ANGEL1: variants seen among roughly 807,000 people sequenced by gnomAD.
ANGEL1 encodes angel homolog 1, also known as RNA 2',3'-cyclic phosphatase ANGEL1.
A neutral mutation model predicts 76.4 loss-of-function variants in ANGEL1; 62 were observed. The ratio of observed to expected loss-of-function variants is 0.81; its 90% CI spans 0.66 to 1.00. ANGEL1 has a LOEUF of 1.00. Among genes scored for constraint, ANGEL1 ranks in the 50% least tolerant of loss-of-function variants. The probability of loss-of-function intolerance (pLI) is 0.00; values close to 1 mark genes in which losing one functional copy is unlikely to be tolerated. For missense variants in ANGEL1, 737 were observed against 836.7 expected (o/e 0.88, Z 1.47); for synonymous variants, 340 against 331.7 (o/e 1.03, Z -0.27).
intron 7 of ANGEL1, among the ~76,000 whole-genome samples, chr14:76,795,250 T>C (rs1048167528): frequency 3.3e-5 from 5 of 152,218 alleles, no homozygotes; most frequent in African/African-American, 9.6e-5. Flanking sequence ...ATACAGAGGA[T>C]GGCACAAGTT....
Position 76,789,124 on chromosome 14 carries a change from T to G in ANGEL1, c.*104A>C. On this transcript the variant is annotated 3_prime_UTR_variant, in exon 10 of 10. Coordinates refer to ENST00000251089, the MANE Select transcript of ANGEL1 (RefSeq NM_015305.4). ...GAACGAGGAGGGGGAAGGGAGGGGA[T>G]GTAAGTTTCTTGGATCTAAGTTTCT... The G allele has an allele frequency of 5.0e-6, 7 of 1,396,404 alleles. No homozygotes were observed. The highest frequency in any genetic ancestry group is 5.9e-6 in the Non-Finnish European group (6 of 1,018,968). The allele number at this position is 1,396,404 out of a possible 1,614,324, so 86.5% of individuals were successfully genotyped here.
chr14:76,789,160 G>T lies in ANGEL1; in HGVS notation c.*68C>A. On this transcript the variant is annotated 3_prime_UTR_variant, in exon 10 of 10. Transcript: ENST00000251089. Reference sequence around the variant, plus strand: ...TGGATCTAAGTTTCTAGATGCATGGGATTTTTCCACAGTCTCTGATCCAGT... The same window carrying T: ...TGGATCTAAGTTTCTAGATGCATGGTATTTTTCCACAGTCTCTGATCCAGT... 6.4e-7 allele frequency: 1 copy of T among 1,567,984 alleles called. No homozygotes were observed. The highest frequency in any genetic ancestry group is 8.7e-7 in the Non-Finnish European group (1 of 1,155,628).
chr14:76,795,693 T>C (rs1894555698), intron 7 of ANGEL1, among the ~76,000 whole-genome samples: 1 of 152,216 alleles, frequency 6.6e-6, no homozygotes, highest in Admixed American at 6.5e-5. Context: ...CATTAGTCTA[T>C]TTAGACAATC....
chr14:76,811,057 A>G (rs1895068417), intron 1 of ANGEL1, among the ~76,000 whole-genome samples: 1 of 152,232 alleles, frequency 6.6e-6, no homozygotes, highest in African/African-American at 2.4e-5. Context: ...AATGGTTTTA[A>G]CCACGGTGAT....
chr14:76,798,997 T>A (rs942219880), intron 7 of ANGEL1, among the ~76,000 whole-genome samples: 2 of 148,390 alleles, frequency 1.3e-5, no homozygotes, highest in Non-Finnish European at 3.0e-5. Flanking sequence ...AGAATCACAA[T>A]GTATTTTATT....
intron 5 of ANGEL1, 76 bp from the exon 6 acceptor site, chr14:76,803,988 G>C (rs1894842079): frequency 6.2e-7 from 1 of 1,613,344 alleles, no homozygotes; most frequent in Non-Finnish European, 8.5e-7. Context: ...TTTGGGACAT[G>C]TGGACAAATA....
intron 1 of ANGEL1, chr14:76,812,357 C>A (rs531178917): frequency 2.3e-4 from 233 of 1,032,758 alleles, no homozygotes; most frequent in Middle Eastern, 4.5e-4. Flanking sequence ...CCAGAGCCGA[C>A]CCGCCTCGCC....
At chr14:76,812,313 G>A (rs1011829038) in intron 1 of ANGEL1, 10 of 999,996 alleles carry the variant, frequency 1.0e-5, no homozygotes, top group African/African-American at 1.7e-5. Context: ...ACCTGGGGAA[G>A]ATCGGTGCGT....
At position 76,809,547 on chromosome 14, in the gene ANGEL1, T is replaced by C. The variant is rs1166116726; in HGVS notation, c.161A>G (p.Gln54Arg). 3 of 1,614,214 alleles carry C rather than the reference T, an allele frequency of 1.9e-6. No homozygotes were observed. The highest frequency in any genetic ancestry group is 2.5e-6 in the Non-Finnish European group (3 of 1,180,046). The change falls in exon 2 of 10, where the codon CAG (glutamine) becomes CGG (arginine). Residue 54 changes from glutamine to arginine, a missense_variant. This residue lies in a region of ANGEL1 where 441 missense variants were observed against 449.5 expected (regional missense o/e 0.98). Transcript: ENST00000251089. ...DFAMAPRGPE[Q>R]EECEGLLQQW... Reference sequence around the variant, plus strand: ...CTGCAGCAGGCCCTCACATTCCTCCTGCTCAGGGCCCCGAGGGGCCATGGC... The same window carrying C: ...CTGCAGCAGGCCCTCACATTCCTCCCGCTCAGGGCCCCGAGGGGCCATGGC...
chr14:76,791,179 A>G (rs969117812), intron 8 of ANGEL1, 118 bp downstream of exon 8: 5 of 1,124,124 alleles, frequency 4.4e-6, no homozygotes, highest in South Asian at 2.6e-5. Flanking sequence ...ATATTAGGGG[A>G]AAAAGAGCTT....
intron 1 of ANGEL1, chr14:76,812,329 A>G (rs1895112067): frequency 9.9e-7 from 1 of 1,009,434 alleles, no homozygotes; most frequent in Admixed American, 5.9e-5. Context: ...TGCGTCCAGT[A>G]CTTCGGCCAT....
chr14:76,804,514 A>C (rs1462463252), intron 5 of ANGEL1: 1 of 934,730 alleles, frequency 1.1e-6, no homozygotes, highest in Non-Finnish European at 1.3e-6. Flanking sequence ...GCCATTTAAC[A>C]ACAACAAATA....
intron 1 of ANGEL1, 151 bp downstream of exon 1, chr14:76,812,613 C>A: frequency 1.5e-6 from 2 of 1,306,158 alleles, no homozygotes; most frequent in South Asian, 2.1e-5. Context: ...GCCCGCGGGG[C>A]AGGGGCTCAG....
chr14:76,810,863 C>T (rs190007357), intron 1 of ANGEL1, among the ~76,000 whole-genome samples: 179 of 152,356 alleles, frequency 1.2e-3, no homozygotes, highest in African/African-American at 4.2e-3. Context: ...CTCCTACACT[C>T]ACACACTCAA....
intron 7 of ANGEL1, among the ~76,000 whole-genome samples, chr14:76,797,888 A>G (rs1315883382): frequency 6.6e-6 from 1 of 152,228 alleles, no homozygotes; most frequent in Non-Finnish European, 1.5e-5. Flanking sequence ...AATGTCTGCT[A>G]TGGTCTAAAT....
chr14:76,806,822 G>C lies in ANGEL1; in HGVS notation c.974C>G (p.Thr325Ser). The stretch of plus-strand genomic sequence containing the variant: ...AGCACAGCCATCGGTTTTACACCCA[G>C]TCCTCCTCTTGTAGAAACAGGTAAA... ...MGFTCFYKRRTGCKTDGCAVC... is the reference protein window; with the variant it reads ...MGFTCFYKRRSGCKTDGCAVC... Residue 325 changes from threonine (T) to serine (S), a missense_variant, in exon 5 of 10, where the codon ACT becomes AGT. This residue lies in a region of ANGEL1 where 441 missense variants were observed against 449.5 expected (regional missense o/e 0.98). Transcript: ENST00000251089. 2 of 1,613,826 alleles carry C rather than the reference G, an allele frequency of 1.2e-6. No individual in the cohort carries two copies. Among genetic ancestry groups the C allele is most frequent in the Non-Finnish European group, 1.7e-6 (2 of 1,179,884 alleles).
At position 76,809,097 on chromosome 14, in the gene ANGEL1, C is replaced by A; in HGVS notation, c.611G>T (p.Gly204Val). The change falls in exon 2 of 10, where the codon GGG becomes GTG. Residue 204 changes from glycine to valine, a missense_variant. Coordinates refer to ENST00000251089, the MANE Select transcript of ANGEL1 (RefSeq NM_015305.4). ...TTCCACTGCGGGAGGCTGCAACTGC[C>A]CCAGGCCCTCAAAGGGCCAGATGGA... ...EASIWPFEGL[G>V]QLQPPAVEIP... 6.2e-7 allele frequency: 1 copy of A among 1,614,030 alleles called. No homozygotes were observed.
At chr14:76,802,240 A>G (rs1894789293) in intron 7 of ANGEL1, among the ~76,000 whole-genome samples, 1 of 152,206 alleles carries the variant, frequency 6.6e-6, no homozygotes, top group South Asian at 2.1e-4. Context: ...CGTAATTTCT[A>G]TGAGCTCCAT....
chr14:76,791,247 C>T (rs1430249667), intron 8 of ANGEL1, 50 bp downstream of exon 8: 4 of 1,597,208 alleles, frequency 2.5e-6, no homozygotes, highest in Admixed American at 3.3e-5. Context: ...CTCTCTCTTA[C>T]ACCTAGGCAA....
Sources: allele counts gnomAD v4.1 joint callset (sites outside exome capture counted in the v4.1 genomes callset), GRCh38; gene constraint gnomAD v4.1.1; regional missense constraint gnomAD v4.1.1; transcripts MANE v1.5; gene names NCBI Gene and HGNC (gene_info 2026-07-23, HGNC 2026-07-21).